Variants in MPEG1 observed in about 807,000 individuals in gnomAD.
The protein encoded by MPEG1 is macrophage expressed 1, also known as macrophage-expressed gene 1 protein.
For synonymous variants in MPEG1, 365 were observed against 351.9 expected (o/e 1.04, Z -0.42); for missense variants, 876 against 880.3 (o/e 1.00, Z 0.06).
Position 59,209,848 on chromosome 11 carries a change from GTGTGTGCGTGTGTGTGTGTGT to G in MPEG1, c.*846_*866del, listed in dbSNP as rs1862865136. On this transcript the variant is annotated 3_prime_UTR_variant, in exon 1 of 1. Transcript: ENST00000361050. Reference sequence around the variant, plus strand: ...ATGAAGACTTATTGAAATGTGGTATGTGTGTGCGTGTGTGTGTGTGTGTGTGTGTGTGTGTGTGTGTGTGTT... The same window carrying G: ...ATGAAGACTTATTGAAATGTGGTATGGTGTGTGTGTGTGTGTGTGTGTGTT... The G allele has an allele frequency of 3.5e-3, 234 of 67,510 alleles. No individual in the cohort carries two copies. The highest frequency in any genetic ancestry group is 0.011 in the African/African-American group (212 of 18,942). The allele number at this position is 67,510 out of a possible 1,614,324, so 4.2% of individuals were successfully genotyped here.
At position 59,209,038 on chromosome 11, in the gene MPEG1, G is replaced by A. The variant is rs150063678; in HGVS notation, c.*1677C>T. ...GACAAGTGGTTAGCTTGGCTAAAAT[G>A]TACAAAACACCCAGAACCCACAAAA... On this transcript the variant is annotated 3_prime_UTR_variant, in exon 1 of 1. Coordinates refer to ENST00000361050, the MANE Select transcript of MPEG1 (RefSeq NM_001039396.2). The A allele has an allele frequency of 7.0e-4, 106 of 152,308 alleles. 1 individual carries two copies. In the East Asian group the frequency reaches 0.02, roughly 28 times the overall value. The allele number at this position is 152,308 out of a possible 1,614,324, so 9.4% of individuals were successfully genotyped here. A position where few individuals can be genotyped will look rare whatever the true frequency, so the allele number is the denominator to read the frequency against.
rs1275084883 is a variant in MPEG1 at position 59,209,836 on chromosome 11, G to A, written c.*879C>T. On this transcript the variant is annotated 3_prime_UTR_variant, in exon 1 of 1. Coordinates refer to ENST00000361050, the MANE Select transcript of MPEG1 (RefSeq NM_001039396.2). The stretch of plus-strand genomic sequence containing the variant: ...GGACCCAGAACAATGAAGACTTATT[G>A]AAATGTGGTATGTGTGTGCGTGTGT... 1 of 141,622 alleles carries A rather than the reference G, an allele frequency of 7.1e-6. No homozygotes were observed. Among genetic ancestry groups the A allele is most frequent in the Non-Finnish European group, 1.5e-5 (1 of 67,260 alleles). The allele number at this position is 141,622 out of a possible 1,614,324, so 8.8% of individuals were successfully genotyped here. A position where few individuals can be genotyped will look rare whatever the true frequency, so the allele number is the denominator to read the frequency against.
chr11:59,208,789 T>C lies in MPEG1; in HGVS notation c.*1926A>G, dbSNP rs1281440711. ...GATGAATGCAATTGGCAAACTCCCA[T>C]GTTCGGACTTCATATGCATGAGCCG... On this transcript the variant is annotated 3_prime_UTR_variant, in exon 1 of 1. Coordinates refer to ENST00000361050, the MANE Select transcript of MPEG1 (RefSeq NM_001039396.2). 6.6e-6 allele frequency: 1 copy of C among 152,272 alleles called. No homozygotes were observed. Among genetic ancestry groups the C allele is most frequent in the South Asian group, 2.1e-4 (1 of 4,836 alleles). The allele number at this position is 152,272 out of a possible 1,614,324, so 9.4% of individuals were successfully genotyped here.
Position 59,210,910 on chromosome 11 carries a change from C to G in MPEG1, c.1956G>C (p.Leu652=). Residue 652 remains leucine (L), a synonymous_variant, in exon 1 of 1, where the codon CTG becomes CTC. Coordinates refer to ENST00000361050, the MANE Select transcript of MPEG1 (RefSeq NM_001039396.2). ...TGACCCCAGCTGCAGCCCCTCCTGA[C>G]AGACCACCACCATCCCCATGGATGA... ...MNVIHGDGGG[L]SGGAAAGVTV... is the part of the protein sequence containing the mutation. 1 of 1,614,218 alleles carries G rather than the reference C, an allele frequency of 6.2e-7. No individual in the cohort carries two copies. The highest frequency in any genetic ancestry group is 8.5e-7 in the Non-Finnish European group (1 of 1,180,032).
Position 59,211,006 on chromosome 11 carries a change from G to C in MPEG1, c.1860C>G (p.Ser620=), listed in dbSNP as rs1484479855. The change falls in exon 1 of 1, where the codon TCC becomes TCG. Residue 620 remains serine, a synonymous_variant. Coordinates refer to ENST00000361050, the MANE Select transcript of MPEG1 (RefSeq NM_001039396.2). Reference sequence around the variant, plus strand: ...GGTGGGTCTGGGAGTCTTTAATCCAGGATCTCGCATTCTCAGAATTGGTCA... The same window carrying C: ...GGTGGGTCTGGGAGTCTTTAATCCACGATCTCGCATTCTCAGAATTGGTCA... The part of the protein sequence containing the change: ...VIVTNSENAR[S]WIKDSQTHQW... 6.2e-7 allele frequency: 1 copy of C among 1,614,174 alleles called. No homozygotes were observed. The highest frequency in any genetic ancestry group is 1.7e-5 in the Admixed American group (1 of 60,026).
chr11:59,210,900 C>T lies in MPEG1; in HGVS notation c.1966G>A (p.Ala656Thr), dbSNP rs1862879274. ...ACCCCCACTGTGACCCCAGCTGCAG[C>T]CCCTCCTGACAGACCACCACCATCC... Reference protein sequence around the residue: ...HGDGGGLSGGAAAGVTVGVTT... With the variant: ...HGDGGGLSGGTAAGVTVGVTT... Residue 656 changes from alanine (A) to threonine (T), a missense_variant, in exon 1 of 1, where the codon GCT becomes ACT. Ala to Thr is a moderately conservative substitution (Grantham distance 58, BLOSUM62 0). Coordinates refer to ENST00000361050, the MANE Select transcript of MPEG1 (RefSeq NM_001039396.2). 1 of 1,614,150 alleles carries T rather than the reference C, an allele frequency of 6.2e-7. No individual in the cohort carries two copies. The highest frequency in any genetic ancestry group is 8.5e-7 in the Non-Finnish European group (1 of 1,180,016).
rs1422992657 is a variant in MPEG1, at chr11:59,211,103, A to AGGGACCC, written c.1756_1762dup (p.Leu588ArgfsTer31). 6.2e-7 allele frequency: 1 copy of AGGGACCC among 1,614,086 alleles called. No homozygotes were observed. Among genetic ancestry groups the AGGGACCC allele is most frequent in the Non-Finnish European group, 8.5e-7 (1 of 1,180,032 alleles). ...GAAAGGTGGGAGCCTGGCAGGGGGC[A>AGGGACCC]GGGACCCTCCTGTGAAGAGCCCGGA... is the stretch of plus-strand genomic sequence containing the variant. On this transcript the variant is annotated frameshift_variant, in exon 1 of 1. Transcript: ENST00000361050. LOFTEE classifies it low-confidence loss of function (END_TRUNC).
At position 59,210,493 on chromosome 11, in the gene MPEG1, T is replaced by C. The variant is rs968504836; in HGVS notation, c.*222A>G. ...ACATTGGGAAAGGACATCTGCTTCC[T>C]ATTTTAGTCCCAGAATCACTTTTGC... On this transcript the variant is annotated 3_prime_UTR_variant, in exon 1 of 1. Transcript: ENST00000361050. 5 of 546,388 alleles carry C rather than the reference T, an allele frequency of 9.2e-6. No homozygotes were observed. The highest frequency in any genetic ancestry group is 3.4e-5 in the Admixed American group (1 of 29,718). The allele number at this position is 546,388 out of a possible 1,614,324, so 33.8% of individuals were successfully genotyped here.
rs1862852885 is a variant in MPEG1 at position 59,208,880 on chromosome 11, A to G, written c.*1835T>C. ...TATGTGCAATCTTGTTAGTGGGTAT[A>G]CAAGTTTGTGAAGAACTTCTCATTT... On this transcript the variant is annotated 3_prime_UTR_variant, in exon 1 of 1. Coordinates refer to ENST00000361050, the MANE Select transcript of MPEG1 (RefSeq NM_001039396.2). 6.6e-6 allele frequency: 1 copy of G among 152,250 alleles called. No individual in the cohort carries two copies. Among genetic ancestry groups the G allele is most frequent in the African/African-American group, 2.4e-5 (1 of 41,464 alleles). The allele number at this position is 152,250 out of a possible 1,614,324, so 9.4% of individuals were successfully genotyped here.
At position 59,211,957 on chromosome 11, in the gene MPEG1, G is replaced by A. The variant is rs761541351; in HGVS notation, c.909C>T (p.Ile303=). The A allele has an allele frequency of 6.8e-6, 11 of 1,611,712 alleles. No homozygotes were observed. Among genetic ancestry groups the A allele is most frequent in the Non-Finnish European group, 6.8e-6 (8 of 1,178,458 alleles). The change falls in exon 1 of 1, where the codon ATC becomes ATT. Residue 303 remains isoleucine, a synonymous_variant. Transcript: ENST00000361050. ...AATGCAGCGGCAGGCCAGAGCGGTC[G>A]ATGGCCACCAGGTGGTTGGTGATAC... ...QQGITNHLVA[I]DRSGLPLHFF... is the part of the protein sequence containing the mutation.
At position 59,210,754 on chromosome 11, in the gene MPEG1, T is replaced by C. The variant is rs1328674005; in HGVS notation, c.2112A>G (p.Gly704=). The change falls in exon 1 of 1, where the codon GGA becomes GGG. Residue 704 remains glycine (G), a synonymous_variant. Coordinates refer to ENST00000361050, the MANE Select transcript of MPEG1 (RefSeq NM_001039396.2). ...GCCCCTGCTCTTGGTAAGTGGTGTC[T>C]CCAGTTGCTGCAGTGCCTGGAACCA... ...QSLVPGTAAT[G]DTTYQEQGQS... is the part of the protein sequence containing the mutation. 6.2e-7 allele frequency: 1 copy of C among 1,614,070 alleles called. No homozygotes were observed. The highest frequency in any genetic ancestry group is 8.5e-7 in the Non-Finnish European group (1 of 1,180,040).
In MPEG1 at chr11:59,209,814, C is replaced by A. The variant is rs1016682093; in HGVS notation, c.*901G>T. 6.6e-6 allele frequency: 1 copy of A among 152,042 alleles called. No homozygotes were observed. The highest frequency in any genetic ancestry group is 2.5e-5 in the African/African-American group (1 of 39,644). The allele number at this position is 152,042 out of a possible 1,614,324, so 9.4% of individuals were successfully genotyped here. On this transcript the variant is annotated 3_prime_UTR_variant, in exon 1 of 1. Coordinates refer to ENST00000361050, the MANE Select transcript of MPEG1 (RefSeq NM_001039396.2). The stretch of plus-strand genomic sequence containing the variant: ...AACAGGAGGACAGGAAAGGTAAGGA[C>A]CCAGAACAATGAAGACTTATTGAAA...
At position 59,208,789 on chromosome 11, in the gene MPEG1, T is replaced by A. The variant is rs1281440711; in HGVS notation, c.*1926A>T. 3 of 152,272 alleles carry A rather than the reference T, an allele frequency of 2.0e-5. No homozygotes were observed. The East Asian group carries it at 5.8e-4, about 29-fold the overall frequency. The allele number at this position is 152,272 out of a possible 1,614,324, so 9.4% of individuals were successfully genotyped here. On this transcript the variant is annotated 3_prime_UTR_variant, in exon 1 of 1. Coordinates refer to ENST00000361050, the MANE Select transcript of MPEG1 (RefSeq NM_001039396.2). ...GATGAATGCAATTGGCAAACTCCCA[T>A]GTTCGGACTTCATATGCATGAGCCG...
At position 59,210,403 on chromosome 11, in the gene MPEG1, T is replaced by G. The variant is rs1320873346; in HGVS notation, c.*312A>C. On this transcript the variant is annotated 3_prime_UTR_variant, in exon 1 of 1. Coordinates refer to ENST00000361050, the MANE Select transcript of MPEG1 (RefSeq NM_001039396.2). ...TCAGAGTAAATTCATAGCTTCCAAA[T>G]ACAAATGTTCACATTGTCCCTCCGC... 9.7e-6 allele frequency: 3 copies of G among 310,582 alleles called. No individual in the cohort carries two copies. Among genetic ancestry groups the G allele is most frequent in the Admixed American group, 4.6e-5 (1 of 21,570 alleles). 19.2% of individuals were successfully genotyped at this position (310,582 alleles called of 1,614,324 possible). A position where few individuals can be genotyped will look rare whatever the true frequency, so the allele number is the denominator to read the frequency against.
chr11:59,211,692 T>C lies in MPEG1; in HGVS notation c.1174A>G (p.Arg392Gly), dbSNP rs1431653536. 6.2e-7 allele frequency: 1 copy of C among 1,614,232 alleles called. No individual in the cohort carries two copies. The highest frequency in any genetic ancestry group is 8.5e-7 in the Non-Finnish European group (1 of 1,180,042). The change falls in exon 1 of 1, where the codon AGG becomes GGG. Residue 392 changes from arginine to glycine, a missense_variant. Transcript: ENST00000361050. Reference protein sequence around the residue: ...YQECTQLSGNRDVLLCQKLEQ... With the variant: ...YQECTQLSGNGDVLLCQKLEQ... ...AACTTTTGGCAGAGGAGGACATCCC[T>C]ATTCCCTGAGAGCTGAGTGCATTCC...
Position 59,212,156 on chromosome 11 carries a change from G to A in MPEG1, c.710C>T (p.Thr237Ile). 1 of 1,614,192 alleles carries A rather than the reference G, an allele frequency of 6.2e-7. No individual in the cohort carries two copies. The highest frequency in any genetic ancestry group is 1.3e-5 in the African/African-American group (1 of 75,046). ...TTGAAAGGCAAGTCCAGCAGAGGCG[G>A]TCACGGCACTACGACTGCTCTGGCT... Reference protein sequence around the residue: ...QDSQSSRSAVTASAGLAFQNT... With the variant: ...QDSQSSRSAVIASAGLAFQNT... Residue 237 changes from threonine (T) to isoleucine (I), a missense_variant, in exon 1 of 1, where the codon ACC becomes ATC. Physicochemically the swap from Thr to Ile is moderately conservative, Grantham distance 89. Transcript: ENST00000361050.
rs1862847631 is a variant in MPEG1, at chr11:59,208,698, A to G, written c.*2017T>C. On this transcript the variant is annotated 3_prime_UTR_variant, in exon 1 of 1. Coordinates refer to ENST00000361050, the MANE Select transcript of MPEG1 (RefSeq NM_001039396.2). ...CCCAGGCTAAGGTCACCAGTTAGGA[A>G]CCCAGGACTTGGAAGGCAGAGCCTG... 1.3e-5 allele frequency: 2 copies of G among 152,158 alleles called. No homozygotes were observed. The allele number at this position is 152,158 out of a possible 1,614,324, so 9.4% of individuals were successfully genotyped here. A position where few individuals can be genotyped will look rare whatever the true frequency, so the allele number is the denominator to read the frequency against.
chr11:59,211,368 C>G lies in MPEG1; in HGVS notation c.1498G>C (p.Gly500Arg). The change falls in exon 1 of 1, where the codon GGC becomes CGC. Residue 500 changes from glycine to arginine, a missense_variant. Coordinates refer to ENST00000361050, the MANE Select transcript of MPEG1 (RefSeq NM_001039396.2). Reference protein sequence around the residue: ...PMTNAQSCPAGYFPLRLFENL... With the variant: ...PMTNAQSCPARYFPLRLFENL... ...TCAAAGAGTCTCAGTGGAAAGTAGCCGGCTGGGCATGACTGTGCATTTGTC... is the reference window on the plus strand; with the variant it reads ...TCAAAGAGTCTCAGTGGAAAGTAGCGGGCTGGGCATGACTGTGCATTTGTC... 15 of 1,614,108 alleles carry G rather than the reference C, an allele frequency of 9.3e-6. No homozygotes were observed. Among genetic ancestry groups the G allele is most frequent in the Non-Finnish European group, 1.2e-5 (14 of 1,180,022 alleles).
Position 59,211,001 on chromosome 11 carries a change from A to C in MPEG1, c.1865T>G (p.Ile622Ser). 1 of 1,614,078 alleles carries C rather than the reference A, an allele frequency of 6.2e-7. No individual in the cohort carries two copies. The highest frequency in any genetic ancestry group is 8.5e-7 in the Non-Finnish European group (1 of 1,180,014). The part of the protein sequence containing the change: ...VTNSENARSW[I>S]KDSQTHQWRL... ...CCACTGGTGGGTCTGGGAGTCTTTA[A>C]TCCAGGATCTCGCATTCTCAGAATT... Residue 622 changes from isoleucine (I) to serine (S), a missense_variant, in exon 1 of 1, where the codon ATT becomes AGT. Physicochemically the swap from Ile to Ser is moderately radical, Grantham distance 142 (BLOSUM62 -2). Coordinates refer to ENST00000361050, the MANE Select transcript of MPEG1 (RefSeq NM_001039396.2).
Sources: allele counts gnomAD v4.1 joint callset, GRCh38; gene constraint gnomAD v4.1.1; transcripts MANE v1.5; gene names NCBI Gene and HGNC (gene_info 2026-07-23, HGNC 2026-07-21).